Variants in DOK6 observed in about 807,000 individuals in gnomAD.
DOK6 encodes the protein docking protein 6, also known as downstream of tyrosine kinase 6.
DOK6 carries 22 observed loss-of-function variants against 44.0 expected under a neutral mutation model. The observed-to-expected ratio is 0.50, with a 90% confidence interval of 0.36 to 0.71. The LOEUF (loss-of-function observed/expected upper bound fraction) is 0.71. Ranked by LOEUF, DOK6 falls within the 30% of genes least tolerant of loss-of-function variation. The probability of loss-of-function intolerance (pLI) is 0.00; values close to 1 mark genes in which losing one functional copy is unlikely to be tolerated. For synonymous variants in DOK6, 166 were observed against 145.5 expected, an observed-to-expected ratio of 1.14 and a Z score of -1.01; for missense variants, 340 against 416.4, an observed-to-expected ratio of 0.82 and a Z score of 1.60.
At chr18:69,589,201 T>C (rs867297874) in intron 2 of DOK6, among the ~76,000 whole-genome samples, 1 of 152,128 alleles carries the variant, frequency 6.6e-6, no homozygotes, top group South Asian at 2.1e-4. Context: ...GATTCAAGCA[T>C]AGAGAGATTA....
At chr18:69,477,431 T>C (rs1980298853) in intron 1 of DOK6, among the ~76,000 whole-genome samples, 1 of 152,236 alleles carries the variant, frequency 6.6e-6, no homozygotes, top group South Asian at 2.1e-4. Flanking sequence ...TCTAATTGTA[T>C]TTCTTTGTTT....
In DOK6 at chr18:69,841,487, A is replaced by T. The variant is rs985175950; in HGVS notation, c.*104A>T. On this transcript the variant is annotated 3_prime_UTR_variant, in exon 8 of 8. Transcript: ENST00000382713. The stretch of plus-strand genomic sequence containing the variant: ...AAGACCAATTGCAGTACAAATTGAA[A>T]TGGGTCGGCTCTAGCCCCAGTCCCA... 1.1e-5 allele frequency: 16 copies of T among 1,501,470 alleles called. No homozygotes were observed. The highest frequency in any genetic ancestry group is 1.4e-5 in the Non-Finnish European group (16 of 1,118,368). 93.0% of individuals were successfully genotyped at this position (1,501,470 alleles called of 1,614,324 possible).
chr18:69,573,832 T>A (rs374697985), intron 2 of DOK6, among the ~76,000 whole-genome samples: 1 of 152,036 alleles, frequency 6.6e-6, no homozygotes, highest in African/African-American at 2.4e-5. Context: ...AATTCTCTTT[T>A]ACCATCCTTT....
chr18:69,546,588 C>T lies in DOK6; in HGVS notation c.67-17899C>T, dbSNP rs545158552. Among the ~76,000 whole-genome samples, 22 of 151,664 alleles carry T rather than the reference C, an allele frequency of 1.5e-4. No homozygotes were observed. In the East Asian group the frequency reaches 3.9e-3, roughly 27 times the overall value. On this transcript the variant is annotated intron_variant, in intron 1 of 7. Coordinates refer to ENST00000382713, the MANE Select transcript of DOK6 (RefSeq NM_152721.6). ...TTGTAAATATTTAAGAAAATACAAT[C>T]GTATTTCACAGTCCAAGTTATATGC...
intron 1 of DOK6, among the ~76,000 whole-genome samples, chr18:69,540,193 A>G (rs1982233441): frequency 6.6e-6 from 1 of 152,218 alleles, no homozygotes; most frequent in Non-Finnish European, 1.5e-5. Flanking sequence ...GTGGGAACAC[A>G]GAACCTAACC....
At chr18:69,516,766 C>T (rs1329752073) in intron 1 of DOK6, among the ~76,000 whole-genome samples, 1 of 151,974 alleles carries the variant, frequency 6.6e-6, no homozygotes. Flanking sequence ...ACCTCTGCCT[C>T]CCTTGCTCAA....
intron 3 of DOK6, among the ~76,000 whole-genome samples, chr18:69,605,042 T>C (rs1983961994): frequency 6.6e-6 from 1 of 151,312 alleles, no homozygotes; most frequent in African/African-American, 2.4e-5. Flanking sequence ...AAAATCCTTG[T>C]AGTTTTTTGA....
chr18:69,753,629 A>G (rs1383966509), intron 6 of DOK6, among the ~76,000 whole-genome samples: 1 of 152,230 alleles, frequency 6.6e-6, no homozygotes, highest in East Asian at 1.9e-4. Flanking sequence ...CAAAAATGAC[A>G]AAAAGTGATG....
At chr18:69,663,329 C>T (rs947218266) in intron 3 of DOK6, 1 of 151,928 alleles carries the variant, frequency 6.6e-6, no homozygotes, top group Admixed American at 6.6e-5. Context: ...GAATACTAGG[C>T]TTAATAGCTG....
Position 69,666,488 on chromosome 18 carries a change from T to A in DOK6, c.290-11246T>A, listed in dbSNP as rs1985661531. Among the ~76,000 whole-genome samples the A allele has an allele frequency of 2.0e-5, 3 of 152,298 alleles. No homozygotes were observed. In the East Asian group the frequency reaches 5.8e-4, roughly 29 times the overall value. On this transcript the variant is annotated intron_variant, in intron 3 of 7. Transcript: ENST00000382713. ...TTAGGCACGCACCTGTAACAAACAA[T>A]CCCAAAATTTCAGTGTCTTAACCCA...
At position 69,843,403 on chromosome 18, in the gene DOK6, T is replaced by G. The variant is rs563243628; in HGVS notation, c.*2020T>G. ...CCAGAGCAACTCCCAGCTGAGACCA[T>G]TTGAGCACAGTTCCTAGTGGGGCCA... On this transcript the variant is annotated 3_prime_UTR_variant, in exon 8 of 8. Transcript: ENST00000382713. 6.6e-6 allele frequency: 1 copy of G among 152,358 alleles called. No individual in the cohort carries two copies. The highest frequency in any genetic ancestry group is 2.4e-5 in the African/African-American group (1 of 41,584). 9.4% of individuals were successfully genotyped at this position (152,358 alleles called of 1,614,324 possible).
At chr18:69,832,667 T>A (rs1254252924) in intron 7 of DOK6, 1 of 152,108 alleles carries the variant, frequency 6.6e-6, no homozygotes, top group Admixed American at 6.6e-5. Flanking sequence ...GGTGGAAGAC[T>A]TTTATTACTC....
chr18:69,722,660 T>G (rs1978290565), intron 5 of DOK6, among the ~76,000 whole-genome samples: 1 of 152,254 alleles, frequency 6.6e-6, no homozygotes, highest in Non-Finnish European at 1.5e-5. Context: ...AGTATGCTTT[T>G]GTTCAACTCT....
chr18:69,663,729 C>T (rs1437985350), intron 3 of DOK6, among the ~76,000 whole-genome samples: 5 of 152,112 alleles, frequency 3.3e-5, no homozygotes, highest in African/African-American at 7.2e-5. Context: ...TATTTTGGAA[C>T]CAACTGAAGG....
intron 7 of DOK6, among the ~76,000 whole-genome samples, chr18:69,800,236 TA>T (rs1384538426): frequency 6.6e-6 from 1 of 152,156 alleles, no homozygotes; most frequent in Non-Finnish European, 1.5e-5. Flanking sequence ...ATACTCTGCT[TA>T]CCAAATGGCT....
intron 1 of DOK6, among the ~76,000 whole-genome samples, chr18:69,513,358 G>T (rs1981426428): frequency 6.6e-6 from 1 of 152,120 alleles, no homozygotes; most frequent in South Asian, 2.1e-4. Context: ...GCACGTGCGT[G>T]GGTGCGCACA....
intron 3 of DOK6, among the ~76,000 whole-genome samples, chr18:69,616,782 T>A (rs944224656): frequency 8.5e-5 from 13 of 152,336 alleles, no homozygotes; most frequent in African/African-American, 2.4e-4. Context: ...TTACACAGAA[T>A]TGTGCTTTTT....
chr18:69,497,710 C>T (rs73970050), intron 1 of DOK6, among the ~76,000 whole-genome samples: 121 of 152,234 alleles, frequency 7.9e-4, no homozygotes, highest in African/African-American at 2.8e-3. Flanking sequence ...ACTTTACTTG[C>T]TTGATCTGCA....
chr18:69,676,438 G>A (rs1008086362), intron 3 of DOK6, among the ~76,000 whole-genome samples: 1 of 152,144 alleles, frequency 6.6e-6, no homozygotes, highest in Non-Finnish European at 1.5e-5. Flanking sequence ...AGAGCCCAGT[G>A]TTGGTATTTA....
Sources: allele counts gnomAD v4.1 joint callset (sites outside exome capture counted in the v4.1 genomes callset), GRCh38; gene constraint gnomAD v4.1.1; transcripts MANE v1.5; gene names NCBI Gene and HGNC (gene_info 2026-07-23, HGNC 2026-07-21).